NSD3: variants seen among roughly 807,000 people sequenced by gnomAD.
NSD3 encodes histone-lysine N-methyltransferase NSD3.
Under a neutral mutation model 160.8 loss-of-function variants are expected in NSD3, and 24 were observed. That is an observed-to-expected ratio of 0.15 (90% confidence interval 0.11 to 0.21). NSD3 has a LOEUF of 0.21. Ranked by LOEUF, NSD3 falls within the 10% of genes least tolerant of loss-of-function variation. The pLI is 1.00. For missense variants in NSD3, 1,157 were observed against 1,735.9 expected (o/e 0.67, Z 5.93); for synonymous variants, 520 against 600.0 (o/e 0.87, Z 1.95).
intron 2 of NSD3, among the ~76,000 whole-genome samples, chr8:38,340,549 G>A (rs1810338922): frequency 6.6e-6 from 1 of 151,090 alleles, no homozygotes; most frequent in South Asian, 2.2e-4. Flanking sequence ...TGTTGGCCAG[G>A]CTGGTCTTGA....
At chr8:38,337,849 C>T (rs1386917284) in intron 3 of NSD3, among the ~76,000 whole-genome samples, 1 of 152,034 alleles carries the variant, frequency 6.6e-6, no homozygotes, top group Non-Finnish European at 1.5e-5. Flanking sequence ...ATTAAAAGTG[C>T]TAACAATGTA....
intron 7 of NSD3, among the ~76,000 whole-genome samples, chr8:38,323,537 G>C (rs1809839665): frequency 1.3e-5 from 2 of 152,156 alleles, no homozygotes; most frequent in Middle Eastern, 3.4e-3. Flanking sequence ...AAATGTTCAG[G>C]CTGGGCACAG....
At chr8:38,298,729 C>G (rs1306043276) in intron 15 of NSD3, among the ~76,000 whole-genome samples, 5 of 152,110 alleles carry the variant, frequency 3.3e-5, no homozygotes, top group African/African-American at 1.2e-4. Context: ...ATTTTTATAA[C>G]AGGTAGGCTA....
In NSD3 at chr8:38,288,666, A is replaced by G. The variant is rs751498165; in HGVS notation, c.3322T>C (p.Cys1108Arg). Reference protein sequence around the residue: ...CNCKPADENPCGLESECLNRM... With the variant: ...CNCKPADENPRGLESECLNRM... ...TTCAGGCACTCCGATTCCAAGCCAC[A>G]AGGGTTTTCATCAGCTGGCTTGCAG... Residue 1108 changes from cysteine to arginine, a missense_variant, in exon 19 of 24, where the codon TGT (cysteine) becomes CGT (arginine). This residue lies in a region of NSD3 where 437 missense variants were observed against 576.6 expected (regional missense o/e 0.76). Transcript: ENST00000317025. The surrounding 1 kb of genome is among the most constrained non-coding windows in gnomAD (Gnocchi z 4.5). The G allele has an allele frequency of 6.2e-7, 1 of 1,614,238 alleles. No individual in the cohort carries two copies. Among genetic ancestry groups the G allele is most frequent in the Admixed American group, 1.7e-5 (1 of 60,024 alleles).
In NSD3 at chr8:38,295,778, G is replaced by C. The variant is rs745742492; in HGVS notation, c.2915+18C>G. The C allele has an allele frequency of 5.6e-6, 9 of 1,609,250 alleles. No homozygotes were observed. The South Asian group carries it at 9.9e-5, about 18-fold the overall frequency. The stretch of plus-strand genomic sequence containing the variant: ...CACAATGATTGAATACTTCCTCTTT[G>C]TTCTTGGAAAAACTTGCCTGTAATT... On this transcript the variant is annotated intron_variant, in intron 16 of 23. Coordinates refer to ENST00000317025, the MANE Select transcript of NSD3 (RefSeq NM_023034.2).
chr8:38,337,125 G>C (rs1339624778), intron 4 of NSD3, among the ~76,000 whole-genome samples, 180 bp downstream of exon 4: 1 of 137,470 alleles, frequency 7.3e-6, no homozygotes, highest in Non-Finnish European at 1.5e-5. Flanking sequence ...CTGGGCAACA[G>C]AGCAAAAACT....
intron 10 of NSD3, 39 bp from the exon 11 acceptor site, chr8:38,315,583 G>T: frequency 6.2e-7 from 1 of 1,606,700 alleles, no homozygotes; most frequent in Non-Finnish European, 8.5e-7. Flanking sequence ...AAAACAAAAT[G>T]AAAATTCCCT....
intron 1 of NSD3, among the ~76,000 whole-genome samples, chr8:38,361,219 C>G (rs943245483): frequency 4.0e-5 from 6 of 151,772 alleles, no homozygotes; most frequent in Non-Finnish European, 7.4e-5. Flanking sequence ...GTCTCAAACT[C>G]CTGACTTCAA....
At chr8:38,378,932 G>A (rs1030334212) in intron 1 of NSD3, among the ~76,000 whole-genome samples, 1 of 152,114 alleles carries the variant, frequency 6.6e-6, no homozygotes, top group Non-Finnish European at 1.5e-5. Flanking sequence ...ACAACTGTGA[G>A]CAGCTATTAG....
At chr8:38,282,110 C>T (rs1314425482) in intron 19 of NSD3, among the ~76,000 whole-genome samples, 1 of 152,160 alleles carries the variant, frequency 6.6e-6, no homozygotes, top group African/African-American at 2.4e-5. Context: ...AATATCAAAA[C>T]CAGAAAACCG....
At chr8:38,350,275 T>C (rs1810656126) in intron 1 of NSD3, among the ~76,000 whole-genome samples, 1 of 152,208 alleles carries the variant, frequency 6.6e-6, no homozygotes, top group Non-Finnish European at 1.5e-5. Context: ...TCTTCCACAA[T>C]GGTTGAACTA....
At chr8:38,308,272 T>C (rs1445469199) in intron 12 of NSD3, among the ~76,000 whole-genome samples, 1 of 152,204 alleles carries the variant, frequency 6.6e-6, no homozygotes, top group African/African-American at 2.4e-5. Flanking sequence ...ACTTTTTAAA[T>C]TGTTTTGCAG....
intron 19 of NSD3, among the ~76,000 whole-genome samples, chr8:38,283,527 A>T (rs1443714495): frequency 6.6e-6 from 1 of 151,516 alleles, no homozygotes; most frequent in African/African-American, 2.4e-5. Flanking sequence ...GATTGTGGAA[A>T]ATCATTAGGA....
At chr8:38,277,491 T>G (rs1052110621) in intron 22 of NSD3, among the ~76,000 whole-genome samples, 3 of 152,056 alleles carry the variant, frequency 2.0e-5, no homozygotes, top group Non-Finnish European at 4.4e-5. Flanking sequence ...TTGGTCAGGC[T>G]GGTCTTAAAA....
chr8:38,295,108 C>A (rs1328402087), intron 16 of NSD3, among the ~76,000 whole-genome samples: 1 of 138,782 alleles, frequency 7.2e-6, no homozygotes, highest in Non-Finnish European at 1.5e-5. Context: ...CGCGCAACTG[C>A]ACTCCAGCCT....
chr8:38,300,917 T>A (rs1344454524), intron 14 of NSD3, among the ~76,000 whole-genome samples: 2 of 152,234 alleles, frequency 1.3e-5, no homozygotes, highest in Non-Finnish European at 2.9e-5. Context: ...AAGAAATATC[T>A]CTGACCTAAA....
chr8:38,340,907 C>T (rs1043392557), intron 2 of NSD3, among the ~76,000 whole-genome samples: 2 of 152,076 alleles, frequency 1.3e-5, no homozygotes, highest in Admixed American at 6.6e-5. Flanking sequence ...GTGGCTCACA[C>T]CTGTCAGTAC....
intron 14 of NSD3, among the ~76,000 whole-genome samples, 191 bp downstream of exon 14, chr8:38,304,396 T>A (rs978632908): frequency 2.6e-5 from 4 of 152,228 alleles, no homozygotes; most frequent in Non-Finnish European, 5.9e-5. Context: ...TTCTAACACT[T>A]TGGACATCTA....
chr8:38,352,962 C>T (rs1043016266), intron 1 of NSD3, among the ~76,000 whole-genome samples: 5 of 152,184 alleles, frequency 3.3e-5, no homozygotes, highest in African/African-American at 9.7e-5. Context: ...TAATAACCAC[C>T]ATTAACACTT....
Sources: allele counts gnomAD v4.1 joint callset (sites outside exome capture counted in the v4.1 genomes callset), GRCh38; gene constraint gnomAD v4.1.1; regional missense constraint gnomAD v4.1.1; non-coding constraint Gnocchi (gnomAD v3.1); transcripts MANE v1.5; gene names NCBI Gene and HGNC (gene_info 2026-07-23, HGNC 2026-07-21).